Variants in BRINP1 observed in about 807,000 individuals in gnomAD.
The protein encoded by BRINP1 is BMP/retinoic acid inducible neural specific 1.
In BRINP1, 17 loss-of-function variants were observed where a neutral mutation model predicts 72.9. The ratio of observed to expected loss-of-function variants is 0.23; its 90% CI spans 0.16 to 0.35. The LOEUF (loss-of-function observed/expected upper bound fraction) is 0.35, where lower values mean the gene tolerates loss of function less well. BRINP1 is among the 10% of genes least tolerant of loss of function. BRINP1 has a pLI of 1.00. For missense variants in BRINP1, 850 were observed against 1,001.6 expected, an observed-to-expected ratio of 0.85 and a Z score of 2.04; for synonymous variants, 418 against 378.5, an observed-to-expected ratio of 1.10 and a Z score of -1.21.
intron 2 of BRINP1, among the ~76,000 whole-genome samples, chr9:119,292,840 C>T (rs1047427024): frequency 2.0e-5 from 3 of 152,174 alleles, no homozygotes; most frequent in Admixed American, 6.5e-5. Context: ...TATTTTACAG[C>T]GGTGACTAGA....
At chr9:119,261,327 T>A (rs150337211) in intron 2 of BRINP1, among the ~76,000 whole-genome samples, 2 of 152,296 alleles carry the variant, frequency 1.3e-5, no homozygotes, top group Admixed American at 1.3e-4. Flanking sequence ...GAATTGGACA[T>A]CTTTCAGTCA....
chr9:119,338,869 A>G (rs1289127354), intron 1 of BRINP1, among the ~76,000 whole-genome samples: 1 of 151,344 alleles, frequency 6.6e-6, no homozygotes, highest in Non-Finnish European at 1.5e-5. Flanking sequence ...CTGGCGACAC[A>G]GGGAGACTCC....
intron 3 of BRINP1, among the ~76,000 whole-genome samples, chr9:119,245,104 T>C (rs1325173712): frequency 6.6e-6 from 1 of 151,990 alleles, no homozygotes; most frequent in Non-Finnish European, 1.5e-5. Context: ...AGGGAAATAG[T>C]GAATATACAA....
Position 119,167,270 on chromosome 9 carries a change from C to T in BRINP1, c.2100G>A (p.Arg700=), listed in dbSNP as rs763071245. 4.3e-6 allele frequency: 7 copies of T among 1,614,142 alleles called. No individual in the cohort carries two copies. Among genetic ancestry groups the T allele is most frequent in the African/African-American group, 2.7e-5 (2 of 75,018 alleles). ...GAGGGGCCAGGCGATTAATTCGGTC[C>T]CGAATATCCAACAAGAGGAGCATCA... The part of the protein sequence containing the change: ...SSVMLLLLDI[R]DRINRLAPPV... Residue 700 remains arginine (R), a synonymous_variant, in exon 8 of 8, where the codon CGG becomes CGA. Coordinates refer to ENST00000265922, the MANE Select transcript of BRINP1 (RefSeq NM_014618.3). This position sits in a 1 kb window ranked among gnomAD's most constrained non-coding sequence, Gnocchi z 4.3.
At chr9:119,204,374 T>A (rs1829831712) in intron 7 of BRINP1, among the ~76,000 whole-genome samples, 5 of 152,224 alleles carry the variant, frequency 3.3e-5, no homozygotes, top group Admixed American at 2.6e-4. Context: ...ATATTAAGTT[T>A]CTAGCAAGCA....
chr9:119,194,141 T>C (rs571583163), intron 7 of BRINP1, among the ~76,000 whole-genome samples: 2 of 152,264 alleles, frequency 1.3e-5, no homozygotes, highest in Middle Eastern at 3.4e-3. Flanking sequence ...CAATGAGTGA[T>C]TGCAATCAAC....
chr9:119,264,763 C>T (rs567576642), intron 2 of BRINP1, among the ~76,000 whole-genome samples: 116 of 152,244 alleles, frequency 7.6e-4, no homozygotes, highest in Non-Finnish European at 1.1e-3. Context: ...CTCCGCCTCC[C>T]GGGTTCAAAC....
chr9:119,231,759 CTCTT>C (rs1418511205), intron 5 of BRINP1, among the ~76,000 whole-genome samples: 1 of 152,030 alleles, frequency 6.6e-6, no homozygotes, highest in Non-Finnish European at 1.5e-5. Context: ...TCTCTTGTCT[CTCTT>C]CTTACTTTTC....
chr9:119,343,977 G>A (rs563567729), intron 1 of BRINP1, among the ~76,000 whole-genome samples: 16 of 151,934 alleles, frequency 1.1e-4, no homozygotes, highest in Non-Finnish European at 2.9e-5. Context: ...TGTCTCAATC[G>A]CTTCCCCATC....
intron 2 of BRINP1, among the ~76,000 whole-genome samples, chr9:119,297,760 G>A (rs1478591033): frequency 6.6e-6 from 1 of 152,034 alleles, no homozygotes; most frequent in African/African-American, 2.4e-5. Flanking sequence ...TATACGGTAA[G>A]ACAATTCTGC....
chr9:119,295,773 C>A (rs1213245047), intron 2 of BRINP1, among the ~76,000 whole-genome samples: 1 of 152,126 alleles, frequency 6.6e-6, no homozygotes, highest in African/African-American at 2.4e-5. Flanking sequence ...AGGGTTCCAA[C>A]CACACACAAT....
At chr9:119,342,693 G>A (rs1050408169) in intron 1 of BRINP1, among the ~76,000 whole-genome samples, 6 of 152,176 alleles carry the variant, frequency 3.9e-5, no homozygotes, top group Admixed American at 2.6e-4. Context: ...AATGAGAGGC[G>A]ATTTGTGAGC....
chr9:119,283,126 C>G, intron 2 of BRINP1: 1 of 984,866 alleles, frequency 1.0e-6, no homozygotes, highest in Non-Finnish European at 1.2e-6. Context: ...TCTGCGTTCT[C>G]ACCGGCTGTG....
At chr9:119,319,149 C>G (rs1265399679) in intron 1 of BRINP1, among the ~76,000 whole-genome samples, 1 of 152,084 alleles carries the variant, frequency 6.6e-6, no homozygotes, top group Non-Finnish European at 1.5e-5. Context: ...TAATCCAACT[C>G]CTTTTTACAG....
Position 119,317,904 on chromosome 9 carries a change from C to A in BRINP1, c.-50-4499G>T, listed in dbSNP as rs1384040017. Among the ~76,000 whole-genome samples the A allele has an allele frequency of 2.0e-5, 3 of 152,156 alleles. No individual in the cohort carries two copies. The South Asian group carries it at 6.2e-4, about 32-fold the overall frequency. On this transcript the variant is annotated intron_variant, in intron 1 of 7. Transcript: ENST00000265922. ...TTAATAAAGGCATATACATTGTTTT[C>A]TGAGACACACTGCTATCCTACACTT...
intron 7 of BRINP1, among the ~76,000 whole-genome samples, chr9:119,207,073 G>C (rs1355539845): frequency 6.6e-6 from 1 of 152,162 alleles, no homozygotes; most frequent in Admixed American, 6.5e-5. Context: ...TTTCATAAGG[G>C]GGGAAAGAGA....
intron 7 of BRINP1, among the ~76,000 whole-genome samples, chr9:119,204,242 T>C (rs1829830282): frequency 6.6e-6 from 1 of 152,164 alleles, no homozygotes; most frequent in South Asian, 2.1e-4. Context: ...TCCTCAGCTG[T>C]ACCAAGTCAA....
Position 119,167,236 on chromosome 9 carries a change from G to A in BRINP1, c.2134C>T (p.Pro712Ser). 3 of 1,614,142 alleles carry A rather than the reference G, an allele frequency of 1.9e-6. No individual in the cohort carries two copies. Among genetic ancestry groups the A allele is most frequent in the Non-Finnish European group, 2.5e-6 (3 of 1,180,032 alleles). Residue 712 changes from proline (P) to serine (S), a missense_variant, in exon 8 of 8, where the codon CCG becomes TCG. Coordinates refer to ENST00000265922, the MANE Select transcript of BRINP1 (RefSeq NM_014618.3). The surrounding 1 kb of genome is among the most constrained non-coding windows in gnomAD (Gnocchi z 4.3). ...RINRLAPPVA[P>S]GKPQLDLFSC... ...AACAAGTCCAGCTGGGGTTTCCCCG[G>A]GGCCACAGGAGGGGCCAGGCGATTA... is the stretch of plus-strand genomic sequence containing the variant.
chr9:119,315,195 A>AAT (rs1252199544), intron 1 of BRINP1, among the ~76,000 whole-genome samples: 2 of 152,172 alleles, frequency 1.3e-5, no homozygotes, highest in African/African-American at 4.8e-5. Flanking sequence ...GAGATTTGCA[A>AAT]ATATTAAAGT....
Sources: allele counts gnomAD v4.1 joint callset (sites outside exome capture counted in the v4.1 genomes callset), GRCh38; gene constraint gnomAD v4.1.1; non-coding constraint Gnocchi (gnomAD v3.1); transcripts MANE v1.5; gene names NCBI Gene and HGNC (gene_info 2026-07-23, HGNC 2026-07-21).